LRRN1: variants seen among roughly 807,000 people sequenced by gnomAD.
LRRN1 encodes the protein leucine rich repeat neuronal 1.
LRRN1 carries 14 observed loss-of-function variants against 45.8 expected under a neutral mutation model. The observed-to-expected ratio is 0.31, with a 90% CI of 0.20 to 0.48. LRRN1 has a LOEUF of 0.48. Among genes scored for constraint, LRRN1 ranks in the 20% least tolerant of loss-of-function variants. The pLI is 0.99. For synonymous variants in LRRN1, 359 were observed against 330.1 expected (o/e 1.09, Z -0.95); for missense variants, 789 against 874.2 (o/e 0.90, Z 1.23).
rs889546378 is a variant in LRRN1 at position 3,848,712 on chromosome 3, C to T, written c.*1920C>T. ...GCCTTCACTTATTGGTGAGAAAAACCTGGGCCCAGGGAGGGCTTGCAGCTT... is the reference window on the plus strand; with the variant it reads ...GCCTTCACTTATTGGTGAGAAAAACTTGGGCCCAGGGAGGGCTTGCAGCTT... On this transcript the variant is annotated 3_prime_UTR_variant, in exon 2 of 2. Transcript: ENST00000319331. 3.9e-5 allele frequency among the ~76,000 whole-genome samples: 6 copies of T among 152,104 alleles called. No individual in the cohort carries two copies. The highest frequency in any genetic ancestry group is 7.2e-5 in the African/African-American group (3 of 41,418).
intron 1 of LRRN1, among the ~76,000 whole-genome samples, chr3:3,835,929 G>A (rs912401738): frequency 2.6e-5 from 4 of 151,604 alleles, no homozygotes; most frequent in African/African-American, 7.3e-5. Context: ...AATGCATCCC[G>A]TGCCAATTCT....
At chr3:3,802,044 A>T (rs921261823) in intron 1 of LRRN1, among the ~76,000 whole-genome samples, 8 of 152,216 alleles carry the variant, frequency 5.3e-5, no homozygotes, top group Non-Finnish European at 1.2e-4. Context: ...GAGAATGTCC[A>T]CTGTCTAGCC....
chr3:3,846,321 C>G lies in LRRN1; in HGVS notation c.1680C>G (p.Thr560=), dbSNP rs775556891. The G allele has an allele frequency of 6.1e-5, 99 of 1,613,794 alleles. No homozygotes were observed. The highest frequency in any genetic ancestry group is 7.3e-5 in the Non-Finnish European group (86 of 1,180,006). The change falls in exon 2 of 2, where the codon ACC becomes ACG. Residue 560 remains threonine, a synonymous_variant. Coordinates refer to ENST00000319331, the MANE Select transcript of LRRN1 (RefSeq NM_020873.7). The surrounding 1 kb of genome is among the most constrained non-coding windows in gnomAD (Gnocchi z 5.7). The part of the protein sequence containing the change: ...MTSNLKWSSA[T]MKIDNPHITY... ...CAAACTTAAAATGGTCGTCTGCCAC[C>G]ATGAAGATTGATAACCCTCACATAA...
chr3:3,842,917 C>T (rs1693678483), intron 1 of LRRN1, among the ~76,000 whole-genome samples: 1 of 151,494 alleles, frequency 6.6e-6, no homozygotes, highest in African/African-American at 2.4e-5. Context: ...GTGAGCAGTA[C>T]ATACCTGACT....
intron 1 of LRRN1, among the ~76,000 whole-genome samples, chr3:3,832,470 G>GTT (rs1441620051): frequency 3.9e-5 from 6 of 152,250 alleles, no homozygotes; most frequent in African/African-American, 1.4e-4. Flanking sequence ...ACCTGCATAA[G>GTT]CCCCTGCTTT....
intron 1 of LRRN1, chr3:3,822,968 T>C (rs1693135499): frequency 1.3e-5 from 2 of 152,164 alleles, no homozygotes; most frequent in South Asian, 4.1e-4. Context: ...CCATGAAACC[T>C]GCTTTAAACT....
chr3:3,827,155 A>G (rs1435402909), intron 1 of LRRN1: 2 of 191,640 alleles, frequency 1.0e-5, no homozygotes. Flanking sequence ...GTTCATTCTA[A>G]TTCTCTCACA....
intron 1 of LRRN1, chr3:3,827,650 G>T: frequency 2.6e-6 from 1 of 379,262 alleles, no homozygotes; most frequent in South Asian, 1.9e-5. Flanking sequence ...CTAAAAGAAT[G>T]ATGTTTTTTG....
chr3:3,815,984 C>A (rs1484172584), intron 1 of LRRN1, among the ~76,000 whole-genome samples: 1 of 152,052 alleles, frequency 6.6e-6, no homozygotes, highest in East Asian at 1.9e-4. Flanking sequence ...ACTACAATTT[C>A]TATTAGAAAA....
At chr3:3,826,630 C>T (rs1693221547) in intron 1 of LRRN1, among the ~76,000 whole-genome samples, 1 of 152,050 alleles carries the variant, frequency 6.6e-6, no homozygotes, top group Non-Finnish European at 1.5e-5. Context: ...ACTATTATAG[C>T]TCTTCCTCTC....
intron 1 of LRRN1, among the ~76,000 whole-genome samples, chr3:3,806,272 A>G (rs1692756651): frequency 1.3e-5 from 2 of 152,204 alleles, no homozygotes; most frequent in Non-Finnish European, 2.9e-5. Context: ...GAGACTGACA[A>G]GTGCAGCATA....
chr3:3,803,089 T>C (rs2106448786), intron 1 of LRRN1, among the ~76,000 whole-genome samples: 1 of 152,350 alleles, frequency 6.6e-6, no homozygotes, highest in African/African-American at 2.4e-5. Flanking sequence ...TAGCTCTGGT[T>C]AATGTCTGAA....
At chr3:3,828,151 TATTATATA>T (rs1377699594) in intron 1 of LRRN1, among the ~76,000 whole-genome samples, 1 of 139,538 alleles carries the variant, frequency 7.2e-6, no homozygotes, top group Non-Finnish European at 1.6e-5. Context: ...TATATATATA[TATTATATA>T]TATATCTCCC....
At position 3,845,332 on chromosome 3, in the gene LRRN1, C is replaced by T; in HGVS notation, c.691C>T (p.Pro231Ser). 1.2e-6 allele frequency: 2 copies of T among 1,614,076 alleles called. No homozygotes were observed. Among genetic ancestry groups the T allele is most frequent in the Non-Finnish European group, 1.7e-6 (2 of 1,180,022 alleles). The change falls in exon 2 of 2, where the codon CCT (proline) becomes TCT (serine). Residue 231 changes from proline to serine, a missense_variant. Pro to Ser is a moderately conservative substitution (Grantham distance 74). Transcript: ENST00000319331. The surrounding 1 kb of genome is among the most constrained non-coding windows in gnomAD (Gnocchi z 6.5). The stretch of plus-strand genomic sequence containing the variant: ...GGCAGGAATGTATCTCACTGATATT[C>T]CTGGAAATGCTTTGGTGGGTCTGGA... ...VLAGMYLTDI[P>S]GNALVGLDSL...
Position 3,846,758 on chromosome 3 carries a change from A to G in LRRN1, c.2117A>G (p.Gln706Arg), listed in dbSNP as rs141578188. ...KDGSADTKPT[Q>R]VDTSRSYYMW ...GGTTCTGCAGACACCAAGCCAACCC[A>G]GGTCGACACATCCAGAAGCTATTAC... Residue 706 changes from glutamine to arginine, a missense_variant, in exon 2 of 2, where the codon CAG becomes CGG. Transcript: ENST00000319331. This position sits in a 1 kb window ranked among gnomAD's most constrained non-coding sequence, Gnocchi z 5.7. 21 of 1,612,300 alleles carry G rather than the reference A, an allele frequency of 1.3e-5. No individual in the cohort carries two copies. The African/African-American group carries it at 2.3e-4, about 17-fold the overall frequency.
Position 3,847,672 on chromosome 3 carries a change from T to C in LRRN1, c.*880T>C, listed in dbSNP as rs1693807299. The C allele has an allele frequency of 6.0e-6, 1 of 166,914 alleles. No homozygotes were observed. The highest frequency in any genetic ancestry group is 1.5e-5 in the Non-Finnish European group (1 of 68,110). The allele number at this position is 166,914 out of a possible 1,614,324, so 10.3% of individuals were successfully genotyped here. ...TTCTTGCTAGTTGCAGTGGTAATAT[T>C]TTTCACATCCATAAAAACAACTACC... is the stretch of plus-strand genomic sequence containing the variant. On this transcript the variant is annotated 3_prime_UTR_variant, in exon 2 of 2. Coordinates refer to ENST00000319331, the MANE Select transcript of LRRN1 (RefSeq NM_020873.7).
At chr3:3,802,473 G>GA (rs201955529) in intron 1 of LRRN1, among the ~76,000 whole-genome samples, 36 of 151,928 alleles carry the variant, frequency 2.4e-4, no homozygotes, top group African/African-American at 3.6e-4. Flanking sequence ...ACCCCCGCCA[G>GA]AAAAAAAAGA....
chr3:3,808,923 T>G lies in LRRN1; in HGVS notation c.-279+9004T>G, dbSNP rs530565033. On this transcript the variant is annotated intron_variant, in intron 1 of 1. Transcript: ENST00000319331. Reference sequence around the variant, plus strand: ...ATTTATAAACCCTCTTTAAATCATTTTAAATGGATGAGAATGCATAGTTAC... The same window carrying G: ...ATTTATAAACCCTCTTTAAATCATTGTAAATGGATGAGAATGCATAGTTAC... Among the ~76,000 whole-genome samples, 9 of 152,334 alleles carry G rather than the reference T, an allele frequency of 5.9e-5. No individual in the cohort carries two copies. The East Asian group carries it at 1.7e-3, about 29-fold the overall frequency.
intron 1 of LRRN1, among the ~76,000 whole-genome samples, chr3:3,804,841 A>C (rs1261434670): frequency 6.6e-6 from 1 of 152,142 alleles, no homozygotes; most frequent in Non-Finnish European, 1.5e-5. Context: ...TATTTTGTAG[A>C]ACTGGGAGTA....
Sources: allele counts gnomAD v4.1 joint callset (sites outside exome capture counted in the v4.1 genomes callset), GRCh38; gene constraint gnomAD v4.1.1; non-coding constraint Gnocchi (gnomAD v3.1); transcripts MANE v1.5; gene names NCBI Gene and HGNC (gene_info 2026-07-23, HGNC 2026-07-21).